JAKMIP2: variants seen among roughly 807,000 people sequenced by gnomAD.
JAKMIP2 encodes janus kinase and microtubule interacting protein 2.
JAKMIP2 carries 25 observed loss-of-function variants against 115.0 expected under a neutral mutation model. The ratio of observed to expected loss-of-function variants is 0.22; its 90% CI spans 0.16 to 0.30. The LOEUF (loss-of-function observed/expected upper bound fraction) is 0.30. JAKMIP2 is among the 10% of genes least tolerant of loss of function. The pLI is 1.00. For missense variants in JAKMIP2, 642 were observed against 957.6 expected (o/e 0.67, Z 4.35); for synonymous variants, 334 against 343.6 (o/e 0.97, Z 0.31).
At chr5:147,654,716 C>G (rs540541971) in intron 3 of JAKMIP2, among the ~76,000 whole-genome samples, 73 of 152,132 alleles carry the variant, frequency 4.8e-4, no homozygotes, top group Admixed American at 2.0e-3. Flanking sequence ...CTTTCTCTTG[C>G]CTGATTACCC....
chr5:147,591,482 A>G lies in JAKMIP2; in HGVS notation c.*225T>C, dbSNP rs1030975456. ...ATATACATGTTTCATTAAATGCAGC[A>G]TATATTGTAGATTTTCAACAGGGTT... On this transcript the variant is annotated 3_prime_UTR_variant, in exon 22 of 22. Transcript: ENST00000616793. 8 of 622,550 alleles carry G rather than the reference A, an allele frequency of 1.3e-5. No individual in the cohort carries two copies. Among genetic ancestry groups the G allele is most frequent in the Admixed American group, 3.4e-5 (1 of 29,318 alleles). 38.6% of individuals were successfully genotyped at this position (622,550 alleles called of 1,614,324 possible).
intron 1 of JAKMIP2, among the ~76,000 whole-genome samples, chr5:147,740,883 G>A (rs1234429242): frequency 6.6e-6 from 1 of 152,158 alleles, no homozygotes; most frequent in Non-Finnish European, 1.5e-5. Context: ...TCTCCAAAAT[G>A]AGCTGTGGCT....
intron 1 of JAKMIP2, 23 bp downstream of exon 1, chr5:147,782,433 G>C: frequency 6.5e-7 from 1 of 1,535,650 alleles, no homozygotes; most frequent in Non-Finnish European, 8.7e-7. Context: ...ACCAAGAAGG[G>C]AGCCCTACTG....
At chr5:147,628,639 T>G in intron 16 of JAKMIP2, 112 bp downstream of exon 16, 1 of 702,272 alleles carries the variant, frequency 1.4e-6, no homozygotes. Flanking sequence ...AAATGTGTAT[T>G]AGGTATTCAC....
chr5:147,674,655 G>A (rs765092523), intron 1 of JAKMIP2, among the ~76,000 whole-genome samples: 3 of 152,140 alleles, frequency 2.0e-5, no homozygotes, highest in Non-Finnish European at 4.4e-5. Context: ...TGCTCACAAC[G>A]AGCCCATCAT....
At chr5:147,617,877 T>C in intron 19 of JAKMIP2, 34 bp downstream of exon 19, 1 of 1,578,598 alleles carries the variant, frequency 6.3e-7, no homozygotes, top group Non-Finnish European at 8.7e-7. Context: ...TTGCTAGTAC[T>C]AACCCTACGC....
chr5:147,625,272 C>T (rs879678433), intron 16 of JAKMIP2, among the ~76,000 whole-genome samples: 5 of 152,256 alleles, frequency 3.3e-5, no homozygotes, highest in East Asian at 1.9e-4. Context: ...TGAGCCACTG[C>T]GCCCAGCCCC....
chr5:147,624,404 A>G (rs545102084), intron 16 of JAKMIP2, among the ~76,000 whole-genome samples: 1 of 152,298 alleles, frequency 6.6e-6, no homozygotes, highest in South Asian at 2.1e-4. Flanking sequence ...AGTGGAAGGG[A>G]CAACATGTCC....
chr5:147,609,585 T>C (rs1327201845), intron 20 of JAKMIP2, among the ~76,000 whole-genome samples: 4 of 152,182 alleles, frequency 2.6e-5, no homozygotes, highest in African/African-American at 9.6e-5. Context: ...TAACCCGCCC[T>C]TTCTCTCTGG....
At chr5:147,668,961 T>C (rs1014498652) in intron 2 of JAKMIP2, among the ~76,000 whole-genome samples, 1 of 152,166 alleles carries the variant, frequency 6.6e-6, no homozygotes, top group Non-Finnish European at 1.5e-5. Flanking sequence ...ACAATGGCTG[T>C]TCTGTAAATA....
At chr5:147,596,302 C>G (rs1755387854) in intron 21 of JAKMIP2, among the ~76,000 whole-genome samples, 1 of 151,674 alleles carries the variant, frequency 6.6e-6, no homozygotes, top group South Asian at 2.1e-4. Context: ...GTTTGCCTTT[C>G]TAAAACTCAC....
chr5:147,725,882 T>C (rs1049261901), intron 1 of JAKMIP2, among the ~76,000 whole-genome samples: 1 of 152,160 alleles, frequency 6.6e-6, no homozygotes, highest in Non-Finnish European at 1.5e-5. Flanking sequence ...GGACTAGGCA[T>C]GTACACGATA....
intron 1 of JAKMIP2, among the ~76,000 whole-genome samples, chr5:147,704,565 C>T (rs1457523527): frequency 6.6e-6 from 1 of 152,040 alleles, no homozygotes. Context: ...AGAGGCAGAG[C>T]AAGGTAAGAG....
intron 13 of JAKMIP2, among the ~76,000 whole-genome samples, chr5:147,632,239 T>G (rs370665569): frequency 9.9e-5 from 15 of 152,176 alleles, no homozygotes; most frequent in East Asian, 7.7e-4. Context: ...ACTTATAAAT[T>G]CACATTTACC....
chr5:147,782,134 C>T (rs1667522127), intron 1 of JAKMIP2, among the ~76,000 whole-genome samples: 1 of 152,176 alleles, frequency 6.6e-6, no homozygotes, highest in Non-Finnish European at 1.5e-5. Context: ...ATAACACCCT[C>T]TTCTTGTTGT....
chr5:147,589,664 T>C lies in JAKMIP2; in HGVS notation c.*2043A>G, dbSNP rs1755022732. ...TGCAATCAAGAGAGCTGGGAGATGCTTATCATAGAAATGACACACTCTTCT... is the reference window on the plus strand; with the variant it reads ...TGCAATCAAGAGAGCTGGGAGATGCCTATCATAGAAATGACACACTCTTCT... On this transcript the variant is annotated 3_prime_UTR_variant, in exon 22 of 22. Coordinates refer to ENST00000616793, the MANE Select transcript of JAKMIP2 (RefSeq NM_001270941.2). 6.6e-6 allele frequency: 1 copy of C among 152,176 alleles called. No homozygotes were observed. Among genetic ancestry groups the C allele is most frequent in the African/African-American group, 2.4e-5 (1 of 41,452 alleles). 9.4% of individuals were successfully genotyped at this position (152,176 alleles called of 1,614,324 possible). A position where few individuals can be genotyped will look rare whatever the true frequency, so the allele number is the denominator to read the frequency against.
intron 18 of JAKMIP2, 30 bp downstream of exon 18, chr5:147,620,636 G>A (rs890674229): frequency 5.4e-6 from 8 of 1,481,402 alleles, no homozygotes; most frequent in Non-Finnish European, 7.5e-6. Flanking sequence ...TGTAAATACT[G>A]CGGGTGTCTC....
chr5:147,644,343 C>T (rs1026537213), intron 6 of JAKMIP2, 145 bp from the exon 7 acceptor site: 1 of 603,436 alleles, frequency 1.7e-6, no homozygotes. Context: ...CCAACTAAAT[C>T]CTCAAGCACA....
Position 147,587,892 on chromosome 5 carries a change from A to G in JAKMIP2, c.*3815T>C, listed in dbSNP as rs961573482. ...AACCCAGGCCTTCTATATCAGCTCTACCTTATGGACTTGGGAAGACACATA... is the reference window on the plus strand; with the variant it reads ...AACCCAGGCCTTCTATATCAGCTCTGCCTTATGGACTTGGGAAGACACATA... On this transcript the variant is annotated 3_prime_UTR_variant, in exon 22 of 22. Coordinates refer to ENST00000616793, the MANE Select transcript of JAKMIP2 (RefSeq NM_001270941.2). The G allele has an allele frequency of 6.6e-6, 1 of 151,138 alleles. No individual in the cohort carries two copies. The highest frequency in any genetic ancestry group is 1.5e-5 in the Non-Finnish European group (1 of 67,880). The allele number at this position is 151,138 out of a possible 1,614,324, so 9.4% of individuals were successfully genotyped here. A position where few individuals can be genotyped will look rare whatever the true frequency, so the allele number is the denominator to read the frequency against.
Sources: allele counts gnomAD v4.1 joint callset (sites outside exome capture counted in the v4.1 genomes callset), GRCh38; gene constraint gnomAD v4.1.1; transcripts MANE v1.5; gene names NCBI Gene and HGNC (gene_info 2026-07-23, HGNC 2026-07-21).